Variants in HS3ST5 observed in about 807,000 individuals in gnomAD.
The protein encoded by HS3ST5 is heparan sulfate-glucosamine 3-sulfotransferase 5.
A neutral mutation model predicts 25.4 loss-of-function variants in HS3ST5; 10 were observed. The observed-to-expected ratio is 0.39, with a 90% CI of 0.24 to 0.67. HS3ST5 has a LOEUF of 0.67. Among genes scored for constraint, HS3ST5 ranks in the 30% least tolerant of loss-of-function variants. The pLI, the probability that HS3ST5 is intolerant of heterozygous loss-of-function variation, is 0.44. For synonymous variants in HS3ST5, 170 were observed against 162.4 expected (o/e 1.05, Z -0.36); for missense variants, 324 against 420.7 (o/e 0.77, Z 2.01).
At chr6:114,234,499 A>T (rs1307062855) in intron 1 of HS3ST5, among the ~76,000 whole-genome samples, 1 of 152,082 alleles carries the variant, frequency 6.6e-6, no homozygotes, top group African/African-American at 2.4e-5. Context: ...TTGCTTTTCA[A>T]GCAAAATAAG....
intron 3 of HS3ST5, among the ~76,000 whole-genome samples, chr6:114,107,085 A>T (rs1251440334): frequency 3.3e-5 from 5 of 152,160 alleles, no homozygotes; most frequent in Non-Finnish European, 5.9e-5. Flanking sequence ...AAATTGAGTA[A>T]GAGATTAAGA....
intron 1 of HS3ST5, among the ~76,000 whole-genome samples, chr6:114,299,865 G>A (rs1048205030): frequency 6.6e-6 from 1 of 152,154 alleles, no homozygotes; most frequent in African/African-American, 2.4e-5. Flanking sequence ...TGTAAGTTTT[G>A]TGTTCTTATC....
At chr6:114,060,384 T>G (rs1262456974) in intron 4 of HS3ST5, among the ~76,000 whole-genome samples, 1 of 152,222 alleles carries the variant, frequency 6.6e-6, no homozygotes, top group African/African-American at 2.4e-5. Flanking sequence ...TTTTATAAAT[T>G]TGTTAATGAG....
chr6:114,238,398 C>T (rs968070808), intron 1 of HS3ST5, among the ~76,000 whole-genome samples: 1 of 152,084 alleles, frequency 6.6e-6, no homozygotes, highest in Non-Finnish European at 1.5e-5. Flanking sequence ...AGTTTGCTTA[C>T]TTGGCTAGAG....
chr6:114,219,148 T>C (rs1781910995), intron 2 of HS3ST5, among the ~76,000 whole-genome samples: 1 of 152,242 alleles, frequency 6.6e-6, no homozygotes, highest in Non-Finnish European at 1.5e-5. Flanking sequence ...CAAGGCACTA[T>C]TGCTACCTCA....
chr6:114,261,806 T>C (rs970802782), intron 1 of HS3ST5, among the ~76,000 whole-genome samples: 2 of 152,220 alleles, frequency 1.3e-5, no homozygotes, highest in African/African-American at 4.8e-5. Context: ...GCTTCTTCCA[T>C]GTTAAAAATC....
chr6:114,207,654 CAAAAGACT>C (rs1562238100), intron 2 of HS3ST5, among the ~76,000 whole-genome samples: 2 of 152,142 alleles, frequency 1.3e-5, no homozygotes, highest in South Asian at 4.1e-4. Flanking sequence ...TTTGGTTGGA[CAAAAGACT>C]CCCCTGCCTC....
At chr6:114,294,426 G>C (rs1412947342) in intron 1 of HS3ST5, among the ~76,000 whole-genome samples, 1 of 151,372 alleles carries the variant, frequency 6.6e-6, no homozygotes, top group East Asian at 1.9e-4. Context: ...ATATGGCTAA[G>C]GTCAAGGTTA....
At chr6:114,256,518 A>G (rs1157194685) in intron 1 of HS3ST5, among the ~76,000 whole-genome samples, 1 of 152,160 alleles carries the variant, frequency 6.6e-6, no homozygotes, top group African/African-American at 2.4e-5. Context: ...TCAAATTCAA[A>G]GTTCCACACA....
At chr6:114,285,579 A>T (rs1774303439) in intron 1 of HS3ST5, among the ~76,000 whole-genome samples, 1 of 152,062 alleles carries the variant, frequency 6.6e-6, no homozygotes, top group Non-Finnish European at 1.5e-5. Flanking sequence ...CAATCACAGA[A>T]AGATAAATAC....
intron 3 of HS3ST5, among the ~76,000 whole-genome samples, chr6:114,136,580 T>G (rs1777626308): frequency 1.3e-5 from 2 of 152,218 alleles, no homozygotes; most frequent in Non-Finnish European, 2.9e-5. Flanking sequence ...TGTATTGAAG[T>G]GAATTGGGCA....
rs914090512 is a variant in HS3ST5, at chr6:114,167,064, C to T, written c.-33+1287G>A. ...GCAGTGGTGCGATCATAGCTCATTG[C>T]GGCCTTAAATTCCTGGGCTCAAGCC... is the stretch of plus-strand genomic sequence containing the variant. On this transcript the variant is annotated intron_variant, in intron 3 of 4. Coordinates refer to ENST00000312719, the MANE Select transcript of HS3ST5 (RefSeq NM_153612.4). Among the ~76,000 whole-genome samples, 4 of 152,306 alleles carry T rather than the reference C, an allele frequency of 2.6e-5. No individual in the cohort carries two copies. The East Asian group carries it at 5.8e-4, about 22-fold the overall frequency.
chr6:114,324,347 G>A (rs568781779), intron 1 of HS3ST5, among the ~76,000 whole-genome samples: 3 of 152,242 alleles, frequency 2.0e-5, no homozygotes, highest in Admixed American at 6.5e-5. Flanking sequence ...AGTTTCTTAC[G>A]TGAGCAGGTT....
At chr6:114,205,483 AT>A (rs780840612) in intron 2 of HS3ST5, among the ~76,000 whole-genome samples, 2 of 152,126 alleles carry the variant, frequency 1.3e-5, no homozygotes, top group Non-Finnish European at 2.9e-5. Context: ...CATGTCCACC[AT>A]TCTGGAAGGA....
intron 4 of HS3ST5, chr6:114,059,424 C>T (rs536321730): frequency 1.3e-5 from 2 of 152,290 alleles, no homozygotes; most frequent in South Asian, 4.1e-4. Context: ...GACTGTATTG[C>T]ATCTTTCTTG....
chr6:114,240,549 C>T (rs1460615826), intron 1 of HS3ST5, among the ~76,000 whole-genome samples: 7 of 152,206 alleles, frequency 4.6e-5, no homozygotes, highest in South Asian at 4.1e-4. Context: ...TTGCTAAACA[C>T]GAAGCTGGTG....
chr6:114,199,920 A>ATGTAAAGATG (rs1198507387), intron 2 of HS3ST5, among the ~76,000 whole-genome samples: 1 of 152,142 alleles, frequency 6.6e-6, no homozygotes, highest in African/African-American at 2.4e-5. Context: ...TGTTGTAAAG[A>ATGTAAAGATG]TATGAGGTTT....
At chr6:114,124,902 A>G (rs975274976) in intron 3 of HS3ST5, among the ~76,000 whole-genome samples, 1 of 152,206 alleles carries the variant, frequency 6.6e-6, no homozygotes, top group Non-Finnish European at 1.5e-5. Flanking sequence ...GTAAGATGCA[A>G]TGTTTCAAAG....
intron 2 of HS3ST5, among the ~76,000 whole-genome samples, chr6:114,172,326 G>T (rs185598308): frequency 2.0e-5 from 3 of 152,276 alleles, no homozygotes; most frequent in Admixed American, 2.0e-4. Flanking sequence ...TGTGTTTTCT[G>T]CAAAGAATAT....
Sources: gnomAD v4.1 joint callset for allele counts (sites outside exome capture counted in the v4.1 genomes callset) on GRCh38, gnomAD v4.1.1 for gene constraint, MANE v1.5 for transcripts, NCBI Gene and HGNC (gene_info 2026-07-23, HGNC 2026-07-21) for gene names.